TBC1D24: variants seen among roughly 807,000 people sequenced by gnomAD.
TBC1D24 encodes the protein Infantile myoclonic epilepsy.
TBC1D24 carries 47 observed loss-of-function variants against 50.7 expected under a neutral mutation model. That is an observed-to-expected ratio of 0.93 (90% CI 0.73 to 1.18). TBC1D24 has a LOEUF of 1.18. TBC1D24 is among the 50% of genes most tolerant of loss of function. The pLI is 0.00. For synonymous variants in TBC1D24, 324 were observed against 335.2 expected, an observed-to-expected ratio of 0.97 and a Z score of 0.36; for missense variants, 688 against 766.5, an observed-to-expected ratio of 0.90 and a Z score of 1.21.
rs778247648 is a variant in TBC1D24 at position 2,499,824 on chromosome 16, C to G, written c.1207-11C>G. ...CCTGCGGGCACAGCCTCACCCAGAC[C>G]TTTCCCCCAGGTGTGTGGTGCTTAC... On this transcript the variant is annotated splice_polypyrimidine_tract_variant and intron_variant, in intron 5 of 7. Transcript: ENST00000646147. The surrounding 1 kb of genome is among the most constrained non-coding windows in gnomAD (Gnocchi z 4.0). 1.9e-6 allele frequency: 3 copies of G among 1,613,162 alleles called. 1 individual carries two copies. The South Asian group carries it at 3.3e-5, about 18-fold the overall frequency.
At chr16:2,478,449 G>T (rs574046537) in intron 1 of TBC1D24, 1 of 152,240 alleles carries the variant, frequency 6.6e-6, no homozygotes, top group Non-Finnish European at 1.5e-5. Flanking sequence ...GGCTGGCACC[G>T]TGTGGAGATG....
rs2065828741 is a variant in TBC1D24 at position 2,505,596 on chromosome 16, A to T, written c.*4638A>T. The T allele has an allele frequency of 1.3e-5, 2 of 152,168 alleles. No homozygotes were observed. The highest frequency in any genetic ancestry group is 4.8e-5 in the African/African-American group (2 of 41,440). 9.4% of individuals were successfully genotyped at this position (152,168 alleles called of 1,614,324 possible). A position where few individuals can be genotyped will look rare whatever the true frequency, so the allele number is the denominator to read the frequency against. ...TTTGGAGCCTCTCAATGAATGTAAT[A>T]AAAAAAATGTGTAGTGAGCACAAAT... On this transcript the variant is annotated 3_prime_UTR_variant, in exon 8 of 8. Coordinates refer to ENST00000646147, the MANE Select transcript of TBC1D24 (RefSeq NM_001199107.2).
chr16:2,484,431 C>T (rs888117313), intron 1 of TBC1D24: 6 of 152,630 alleles, frequency 3.9e-5, no homozygotes, highest in African/African-American at 1.4e-4. Flanking sequence ...CCCTGCCAAC[C>T]CCAGCACGCT....
chr16:2,488,485 G>C (rs917399624), intron 1 of TBC1D24, among the ~76,000 whole-genome samples: 1 of 145,702 alleles, frequency 6.9e-6, no homozygotes, highest in Non-Finnish European at 1.5e-5. Context: ...TTACTCATTC[G>C]CACATAGCTT....
intron 2 of TBC1D24, 21 bp from the exon 3 acceptor site, chr16:2,497,689 T>C: frequency 6.5e-7 from 1 of 1,535,898 alleles, no homozygotes; most frequent in Non-Finnish European, 8.7e-7. Flanking sequence ...TCCATGTCCG[T>C]TGCTTTCTCC....
rs1258138175 is a variant in TBC1D24 at position 2,475,178 on chromosome 16, C to A, written c.-116+8C>A. ...AGAAAGCGGCGCGCGGAGGTGGGTG[C>A]GCTCGGGGCGTGCGGGGGGCGCGCG... On this transcript the variant is annotated splice_region_variant and intron_variant, in intron 1 of 7. Coordinates refer to ENST00000646147, the MANE Select transcript of TBC1D24 (RefSeq NM_001199107.2). The surrounding 1 kb of genome is among the most constrained non-coding windows in gnomAD (Gnocchi z 4.2). The A allele has an allele frequency of 6.7e-6, 1 of 149,384 alleles. No individual in the cohort carries two copies. The highest frequency in any genetic ancestry group is 1.9e-4 in the East Asian group (1 of 5,162). 9.3% of individuals were successfully genotyped at this position (149,384 alleles called of 1,614,324 possible).
In TBC1D24 at chr16:2,482,461, TC is replaced by T. The variant is rs1203427411; in HGVS notation, c.-116+7293del. ...CAGAAAGCGAAAGGGGACAGGTGTC[TC>T]CTGCCACTCTGAACAGTGACATTCC... On this transcript the variant is annotated intron_variant, in intron 1 of 7. Transcript: ENST00000646147. The surrounding 1 kb of genome is among the most constrained non-coding windows in gnomAD (Gnocchi z 5.2). 6.6e-6 allele frequency among the ~76,000 whole-genome samples: 1 copy of T among 152,176 alleles called. No individual in the cohort carries two copies. Among genetic ancestry groups the T allele is most frequent in the Non-Finnish European group, 1.5e-5 (1 of 68,022 alleles).
chr16:2,492,011 T>A (rs1472753197), intron 1 of TBC1D24, among the ~76,000 whole-genome samples: 1 of 151,896 alleles, frequency 6.6e-6, no homozygotes, highest in African/African-American at 2.4e-5. Flanking sequence ...GCCATTTTTT[T>A]TTATTTTTGG....
chr16:2,498,316 G>A lies in TBC1D24; in HGVS notation c.1062G>A (p.Trp354Ter), dbSNP rs1181575272. 3 of 1,611,340 alleles carry A rather than the reference G, an allele frequency of 1.9e-6. No individual in the cohort carries two copies. The highest frequency in any genetic ancestry group is 3.4e-5 in the Admixed American group (2 of 59,696). The change falls in exon 4 of 8, where the codon TGG (tryptophan) becomes TGA (stop). Residue 354 changes from tryptophan to a stop codon, truncating the protein, a stop_gained. Transcript: ENST00000646147. LOFTEE classifies it high-confidence loss of function. Reference protein sequence around the residue: ...IVSVREMRDIWSWVPERFALC... With the variant: ...IVSVREMRDI ...GCGTGAGGGAGATGAGAGACATCTG[G>A]TCCTGGGTCCCCGAGCGCTTTGCCC... is the stretch of plus-strand genomic sequence containing the variant.
Position 2,499,689 on chromosome 16 carries a change from C to T in TBC1D24, c.1207-146C>T, listed in dbSNP as rs2065773993. On this transcript the variant is annotated intron_variant, in intron 5 of 7. Transcript: ENST00000646147. The surrounding 1 kb of genome is among the most constrained non-coding windows in gnomAD (Gnocchi z 4.0). ...CACACACCTGCAACACTGCCTTTCCCACACCACTCCTGCCCTGGGGTGGGG... is the reference window on the plus strand; with the variant it reads ...CACACACCTGCAACACTGCCTTTCCTACACCACTCCTGCCCTGGGGTGGGG... 9 of 822,534 alleles carry T rather than the reference C, an allele frequency of 1.1e-5. No individual in the cohort carries two copies. Among genetic ancestry groups the T allele is most frequent in the Non-Finnish European group, 1.9e-5 (9 of 472,910 alleles). 51.0% of individuals were successfully genotyped at this position (822,534 alleles called of 1,614,324 possible). A position where few individuals can be genotyped will look rare whatever the true frequency, so the allele number is the denominator to read the frequency against.
intron 1 of TBC1D24, chr16:2,481,454 G>C (rs2065609865): frequency 6.6e-6 from 1 of 152,198 alleles, no homozygotes; most frequent in African/African-American, 2.4e-5. Context: ...CTCTCCTTAG[G>C]TCTAAAGACA....
Position 2,486,123 on chromosome 16 carries a change from C to T in TBC1D24, c.-115-9911C>T, listed in dbSNP as rs1372861176. On this transcript the variant is annotated intron_variant, in intron 1 of 7. Transcript: ENST00000646147. This position sits in a 1 kb window ranked among gnomAD's most constrained non-coding sequence, Gnocchi z 5.8. Reference sequence around the variant, plus strand: ...CACCACCAGGTTTCCTCTGTATCCCCGCAGCACTTGGCAAGGTCCAGGGGC... The same window carrying T: ...CACCACCAGGTTTCCTCTGTATCCCTGCAGCACTTGGCAAGGTCCAGGGGC... 2.0e-5 allele frequency among the ~76,000 whole-genome samples: 3 copies of T among 152,214 alleles called. No individual in the cohort carries two copies. The highest frequency in any genetic ancestry group is 1.9e-4 in the East Asian group (1 of 5,194).
Position 2,498,227 on chromosome 16 carries a change from G to T in TBC1D24, c.984-11G>T, listed in dbSNP as rs1297656612. Reference sequence around the variant, plus strand: ...TGCCTTCGGGCTCTGACCCCTGCTCGCTCCCCTCAGGCAGTTTGTACACTT... The same window carrying T: ...TGCCTTCGGGCTCTGACCCCTGCTCTCTCCCCTCAGGCAGTTTGTACACTT... On this transcript the variant is annotated splice_polypyrimidine_tract_variant and intron_variant, in intron 3 of 7. Coordinates refer to ENST00000646147, the MANE Select transcript of TBC1D24 (RefSeq NM_001199107.2). 6.3e-7 allele frequency: 1 copy of T among 1,598,964 alleles called. No individual in the cohort carries two copies. The highest frequency in any genetic ancestry group is 8.5e-7 in the Non-Finnish European group (1 of 1,172,398).
chr16:2,481,513 C>T (rs1567404553), intron 1 of TBC1D24: 1 of 152,272 alleles, frequency 6.6e-6, no homozygotes, highest in Non-Finnish European at 1.5e-5. Flanking sequence ...ACACCTGTCA[C>T]TGGCTTGGAA....
chr16:2,501,000 C>A lies in TBC1D24; in HGVS notation c.*42C>A. ...GACTGAGCCGTGGTGGGGCGGTGGG[C>A]CGAGGCTGGGCTGCCGCCTCGGGCA... On this transcript the variant is annotated 3_prime_UTR_variant, in exon 8 of 8. Coordinates refer to ENST00000646147, the MANE Select transcript of TBC1D24 (RefSeq NM_001199107.2). The surrounding 1 kb of genome is among the most constrained non-coding windows in gnomAD (Gnocchi z 8.0). 6.2e-7 allele frequency: 1 copy of A among 1,602,752 alleles called. No homozygotes were observed.
rs2065555523 is a variant in TBC1D24, at chr16:2,475,195, G to GGGCGCGCGGCGGGGTGGCGGGT, written c.-116+30_-116+51dup. 1 of 149,410 alleles carries GGGCGCGCGGCGGGGTGGCGGGT rather than the reference G, an allele frequency of 6.7e-6. No homozygotes were observed. The highest frequency in any genetic ancestry group is 2.4e-5 in the African/African-American group (1 of 41,082). The allele number at this position is 149,410 out of a possible 1,614,324, so 9.3% of individuals were successfully genotyped here. A position where few individuals can be genotyped will look rare whatever the true frequency, so the allele number is the denominator to read the frequency against. ...GGTGGGTGCGCTCGGGGCGTGCGGG[G>GGGCGCGCGGCGGGGTGGCGGGT]GGCGCGCGGCGGGGTGGCGGGTGGC... On this transcript the variant is annotated intron_variant, in intron 1 of 7. Transcript: ENST00000646147. This position sits in a 1 kb window ranked among gnomAD's most constrained non-coding sequence, Gnocchi z 4.2.
rs913178685 is a variant in TBC1D24, at chr16:2,501,750, T to G, written c.*792T>G. 4 of 152,738 alleles carry G rather than the reference T, an allele frequency of 2.6e-5. No homozygotes were observed. The highest frequency in any genetic ancestry group is 1.3e-4 in the Admixed American group (2 of 15,292). 9.5% of individuals were successfully genotyped at this position (152,738 alleles called of 1,614,324 possible). A position where few individuals can be genotyped will look rare whatever the true frequency, so the allele number is the denominator to read the frequency against. On this transcript the variant is annotated 3_prime_UTR_variant, in exon 8 of 8. Transcript: ENST00000646147. ...CTGGGCCTCCCTGCGTGTTCCCATC[T>G]GAAGAGGTAGCCCCGGGAGAGGCCC...
chr16:2,496,406 C>T lies in TBC1D24; in HGVS notation c.258C>T (p.Ser86=). Residue 86 remains serine (S), a synonymous_variant, in exon 2 of 8, where the codon AGC becomes AGT. Transcript: ENST00000646147. The stretch of plus-strand genomic sequence containing the variant: ...TGGGCAAGATCGTGGGCAAGCACAG[C>T]AGCAGCTGCCTGCCGCTGCCCGAGT... The part of the protein sequence containing the change: ...DIVGKIVGKH[S]SSCLPLPEFV... 8.7e-6 allele frequency: 14 copies of T among 1,613,112 alleles called. No homozygotes were observed. The highest frequency in any genetic ancestry group is 1.2e-5 in the Non-Finnish European group (14 of 1,179,974).
intron 1 of TBC1D24, chr16:2,480,130 GTTAA>G (rs1038032317): frequency 4.6e-5 from 7 of 151,310 alleles, no homozygotes; most frequent in Admixed American, 4.6e-4. Context: ...GTGCCTGGTC[GTTAA>G]TTGTTTTTTT....
Sources: gnomAD v4.1 joint callset for allele counts (sites outside exome capture counted in the v4.1 genomes callset) on GRCh38, gnomAD v4.1.1 for gene constraint, Gnocchi (gnomAD v3.1) non-coding constraint, MANE v1.5 for transcripts, NCBI Gene and HGNC (gene_info 2026-07-23, HGNC 2026-07-21) for gene names.